Variants in UGGT2 observed in about 807,000 individuals in gnomAD.
UGGT2 encodes the protein UDP-glucose glycoprotein glucosyltransferase 2, also known as UDP-glucose:glycoprotein glucosyltransferase 2.
Under a neutral mutation model 192.1 loss-of-function variants are expected in UGGT2, and 180 were observed. The observed-to-expected ratio is 0.94, with a 90% CI of 0.83 to 1.06. The LOEUF (loss-of-function observed/expected upper bound fraction) is 1.06, where lower values mean the gene tolerates loss of function less well. Ranked by LOEUF, UGGT2 falls within the 50% of genes least tolerant of loss-of-function variation. The probability of loss-of-function intolerance (pLI) is 0.00; values close to 1 mark genes in which losing one functional copy is unlikely to be tolerated. For missense variants in UGGT2, 1,849 were observed against 1,795.7 expected (o/e 1.03, Z -0.54); for synonymous variants, 580 against 591.0 (o/e 0.98, Z 0.27).
chr13:95,987,862 C>T (rs1031785075), intron 8 of UGGT2, among the ~76,000 whole-genome samples: 10 of 152,262 alleles, frequency 6.6e-5, no homozygotes, highest in Admixed American at 1.3e-4. Context: ...TTTCCTGCTC[C>T]GGGCCCCCAA....
chr13:95,943,093 T>C (rs894314648), intron 15 of UGGT2, among the ~76,000 whole-genome samples: 2 of 152,148 alleles, frequency 1.3e-5, no homozygotes, highest in Non-Finnish European at 2.9e-5. Flanking sequence ...TGTCTTTCCC[T>C]GAACCAATAC....
intron 12 of UGGT2, among the ~76,000 whole-genome samples, chr13:95,962,612 A>G (rs987601597): frequency 2.6e-5 from 4 of 152,162 alleles, no homozygotes; most frequent in Admixed American, 6.5e-5. Context: ...AATTCTACCA[A>G]ACTTTCAAAA....
At chr13:95,877,428 A>G (rs2140162722) in intron 28 of UGGT2, 64 bp from the exon 29 acceptor site, 1 of 1,276,020 alleles carries the variant, frequency 7.8e-7, no homozygotes, top group South Asian at 1.4e-5. Context: ...ATTGCTCATG[A>G]ATACACGAAT....
intron 17 of UGGT2, among the ~76,000 whole-genome samples, chr13:95,935,278 T>TTA (rs1278200384): frequency 2.0e-5 from 3 of 152,140 alleles, no homozygotes; most frequent in Non-Finnish European, 4.4e-5. Flanking sequence ...TGTGGATGCT[T>TTA]TATAGGGTCT....
intron 36 of UGGT2, among the ~76,000 whole-genome samples, chr13:95,845,929 T>C (rs1259607760): frequency 6.6e-6 from 1 of 150,492 alleles, no homozygotes; most frequent in African/African-American, 2.5e-5. Flanking sequence ...GAGGGACTCC[T>C]CACTTCCCAG....
chr13:96,030,800 C>T (rs981050995), intron 2 of UGGT2, among the ~76,000 whole-genome samples: 2 of 152,052 alleles, frequency 1.3e-5, no homozygotes, highest in Non-Finnish European at 2.9e-5. Context: ...CTTTTTAATT[C>T]TGAGGAAGAT....
At chr13:95,913,857 C>G (rs547456103) in intron 20 of UGGT2, among the ~76,000 whole-genome samples, 36 of 152,164 alleles carry the variant, frequency 2.4e-4, no homozygotes, top group African/African-American at 8.4e-4. Flanking sequence ...CAATGATAGA[C>G]TGGATTAAGA....
intron 20 of UGGT2, among the ~76,000 whole-genome samples, chr13:95,915,524 T>C (rs2048654826): frequency 6.6e-6 from 1 of 152,220 alleles, no homozygotes; most frequent in Admixed American, 6.5e-5. Flanking sequence ...AAATGAATAA[T>C]AAATAGATTA....
chr13:95,904,672 C>A (rs1254590917), intron 20 of UGGT2, among the ~76,000 whole-genome samples: 1 of 152,088 alleles, frequency 6.6e-6, no homozygotes, highest in Non-Finnish European at 1.5e-5. Context: ...ATATGTGCCA[C>A]ATTTTCTTAA....
chr13:96,015,272 C>A (rs1330002393), intron 4 of UGGT2, among the ~76,000 whole-genome samples: 1 of 130,546 alleles, frequency 7.7e-6, no homozygotes. Context: ...AGCAAGACTC[C>A]GTCTCAAAAA....
At chr13:96,006,427 C>A (rs2051977410) in intron 5 of UGGT2, among the ~76,000 whole-genome samples, 1 of 151,804 alleles carries the variant, frequency 6.6e-6, no homozygotes. Context: ...GAGTTCGAGA[C>A]CAGCCTGACC....
intron 1 of UGGT2, among the ~76,000 whole-genome samples, chr13:96,043,411 C>T (rs147841406): frequency 6.0e-4 from 92 of 152,130 alleles, no homozygotes; most frequent in African/African-American, 2.0e-3. Flanking sequence ...CAAAACAGAA[C>T]CTCTTTAAAA....
In UGGT2 at chr13:95,856,139, T is replaced by C. The variant is rs1889588072; in HGVS notation, c.4008+19A>G. On this transcript the variant is annotated intron_variant, in intron 34 of 38. Transcript: ENST00000376747. ...AAAAATGTTTGCGTATTACTAAAAATAGTAGTTAACCTTATTACCTGGTCA... is the reference window on the plus strand; with the variant it reads ...AAAAATGTTTGCGTATTACTAAAAACAGTAGTTAACCTTATTACCTGGTCA... 12 of 1,579,946 alleles carry C rather than the reference T, an allele frequency of 7.6e-6. No individual in the cohort carries two copies. In the East Asian group the frequency reaches 9.0e-5, roughly 12 times the overall value.
At chr13:95,978,716 G>A (rs141532425) in intron 10 of UGGT2, among the ~76,000 whole-genome samples, 68 of 152,180 alleles carry the variant, frequency 4.5e-4, no homozygotes, top group African/African-American at 1.4e-3. Flanking sequence ...GGTGAGAGAT[G>A]GGGGTCTAGT....
chr13:95,845,377 C>CTCATA (rs1555338944), intron 36 of UGGT2, among the ~76,000 whole-genome samples: 1 of 42,186 alleles, frequency 2.4e-5, no homozygotes, highest in African/African-American at 5.8e-5. Flanking sequence ...GTGGTGATGA[C>CTCATA]TGGTATGCTG....
At chr13:95,845,950 C>T (rs1328158876) in intron 36 of UGGT2, among the ~76,000 whole-genome samples, 1 of 145,974 alleles carries the variant, frequency 6.9e-6, no homozygotes, top group Non-Finnish European at 1.5e-5. Flanking sequence ...ACTGGGCAGC[C>T]GGGCAGAGGG....
intron 2 of UGGT2, among the ~76,000 whole-genome samples, chr13:96,031,458 C>A (rs2052831845): frequency 6.6e-6 from 1 of 152,032 alleles, no homozygotes; most frequent in African/African-American, 2.4e-5. Flanking sequence ...TGTGAAACAC[C>A]ACACCTGGCC....
At chr13:95,979,308 A>C (rs1410876005) in intron 10 of UGGT2, among the ~76,000 whole-genome samples, 3 of 152,160 alleles carry the variant, frequency 2.0e-5, no homozygotes, top group South Asian at 2.1e-4. Flanking sequence ...ACTCAAATTC[A>C]GTTATACAAC....
intron 1 of UGGT2, among the ~76,000 whole-genome samples, chr13:96,039,764 GTTT>G (rs1405902338): frequency 6.6e-6 from 1 of 152,116 alleles, no homozygotes; most frequent in East Asian, 1.9e-4. Context: ...GTTTCAAGAT[GTTT>G]TCCACAAACT....
Sources: gnomAD v4.1 joint callset for allele counts (sites outside exome capture counted in the v4.1 genomes callset) on GRCh38, gnomAD v4.1.1 for gene constraint, MANE v1.5 for transcripts, NCBI Gene and HGNC (gene_info 2026-07-23, HGNC 2026-07-21) for gene names.